DOCK3: variants seen among roughly 807,000 people sequenced by gnomAD.
DOCK3 encodes the protein dedicator of cytokinesis protein 3.
A neutral mutation model predicts 265.6 loss-of-function variants in DOCK3; 60 were observed. The observed-to-expected ratio is 0.23, with a 90% CI of 0.18 to 0.28. The LOEUF is 0.28. Ranked by LOEUF, DOCK3 falls within the 10% of genes least tolerant of loss-of-function variation. The pLI is 1.00. For missense variants in DOCK3, 1,981 were observed against 2,594.3 expected, an observed-to-expected ratio of 0.76 and a Z score of 5.14; for synonymous variants, 881 against 938.0, an observed-to-expected ratio of 0.94 and a Z score of 1.11.
chr3:50,832,250 A>G (rs1002471736), intron 2 of DOCK3, among the ~76,000 whole-genome samples: 12 of 152,250 alleles, frequency 7.9e-5, no homozygotes, highest in African/African-American at 2.4e-4. Flanking sequence ...AACTAAAACC[A>G]TAAAAATCCT....
At chr3:50,983,678 C>T (rs2077786003) in intron 5 of DOCK3, among the ~76,000 whole-genome samples, 1 of 152,162 alleles carries the variant, frequency 6.6e-6, no homozygotes, top group Non-Finnish European at 1.5e-5. Context: ...ATAAAGATTC[C>T]CTTTGTCTTG....
At chr3:51,154,409 T>C (rs1265950695) in intron 10 of DOCK3, among the ~76,000 whole-genome samples, 1 of 152,208 alleles carries the variant, frequency 6.6e-6, no homozygotes, top group Non-Finnish European at 1.5e-5. Context: ...CAGCACTCTG[T>C]CTTCAATTGG....
At chr3:50,985,514 C>T (rs1007544623) in intron 5 of DOCK3, among the ~76,000 whole-genome samples, 3 of 152,122 alleles carry the variant, frequency 2.0e-5, no homozygotes, top group Non-Finnish European at 4.4e-5. Context: ...TGTAGAGACA[C>T]TTTGTTCTGG....
chr3:50,909,641 G>GTTTTTTTTTTTTTTT (rs71633043), intron 4 of DOCK3, among the ~76,000 whole-genome samples: 1 of 98,722 alleles, frequency 1.0e-5, no homozygotes, highest in African/African-American at 4.0e-5. Context: ...TACCCTTAAC[G>GTTTTTTTTTTTTTTT]TTTTTTTTTT....
chr3:50,964,597 A>G (rs2076976351), intron 5 of DOCK3, among the ~76,000 whole-genome samples: 1 of 152,140 alleles, frequency 6.6e-6, no homozygotes, highest in Non-Finnish European at 1.5e-5. Context: ...GATAAAATAA[A>G]CCAAAATAAT....
At chr3:51,349,495 C>T (rs1332651309) in intron 39 of DOCK3, among the ~76,000 whole-genome samples, 1 of 152,200 alleles carries the variant, frequency 6.6e-6, no homozygotes, top group Non-Finnish European at 1.5e-5. Context: ...ACCCTTTCTG[C>T]ACCCTCATCT....
chr3:51,289,091 C>G (rs2081587548), intron 27 of DOCK3, among the ~76,000 whole-genome samples: 1 of 152,026 alleles, frequency 6.6e-6, no homozygotes, highest in East Asian at 1.9e-4. Flanking sequence ...AACGTATATA[C>G]CATGGAATTC....
chr3:51,061,102 A>G (rs1197749805), intron 5 of DOCK3, among the ~76,000 whole-genome samples: 3 of 152,192 alleles, frequency 2.0e-5, no homozygotes, highest in African/African-American at 7.2e-5. Context: ...GAACACTTTT[A>G]CACTGTTGGT....
intron 3 of DOCK3, among the ~76,000 whole-genome samples, chr3:50,852,672 A>G (rs1320685728): frequency 2.0e-5 from 3 of 152,092 alleles, no homozygotes; most frequent in Non-Finnish European, 4.4e-5. Flanking sequence ...GATCAAGTCT[A>G]ACTAGGTTTT....
chr3:51,316,583 G>A (rs1431040522), intron 32 of DOCK3, among the ~76,000 whole-genome samples: 4 of 152,200 alleles, frequency 2.6e-5, no homozygotes, highest in Non-Finnish European at 5.9e-5. Context: ...AGTCTCAGCA[G>A]CAGTATATAA....
rs149359904 is a variant in DOCK3 at position 51,307,217 on chromosome 3, G to T, written c.2923-3015G>T. ...TCACTACAACCTTGCCTGGACTCAA[G>T]AAATCCTCCCACTTCAACCTGCTGA... On this transcript the variant is annotated intron_variant, in intron 27 of 52. Transcript: ENST00000266037. Among the ~76,000 whole-genome samples the T allele has an allele frequency of 6.2e-4, 95 of 152,178 alleles. No homozygotes were observed. The East Asian group carries it at 0.017, about 28-fold the overall frequency.
intron 22 of DOCK3, among the ~76,000 whole-genome samples, chr3:51,248,706 A>T (rs1364869644): frequency 6.6e-6 from 1 of 150,996 alleles, no homozygotes; most frequent in East Asian, 2.0e-4. Flanking sequence ...CTGGAAAGTG[A>T]GGAGCGTCTC....
rs1432509842 is a variant in DOCK3 at position 51,362,635 on chromosome 3, C to T, written c.5254C>T (p.Pro1752Ser). The T allele has an allele frequency of 6.2e-7, 1 of 1,613,938 alleles. No homozygotes were observed. The highest frequency in any genetic ancestry group is 1.1e-5 in the South Asian group (1 of 91,056). Residue 1752 changes from proline (P) to serine (S), a missense_variant, in exon 49 of 53, where the codon CCA (proline) becomes TCA (serine). Physicochemically the swap from Pro to Ser is moderately conservative, Grantham distance 74. Transcript: ENST00000266037. ...CAGCCTGAGTTCCACTCACTCAGCA[C>T]CATCCCAGATGATTACCTCTGCCCC... ...SSSLSSTHSA[P>S]SQMITSAPSS...
intron 27 of DOCK3, among the ~76,000 whole-genome samples, chr3:51,297,111 C>A: frequency 1.4e-5 from 1 of 73,514 alleles, no homozygotes; most frequent in East Asian, 3.5e-4. Flanking sequence ...GAGTGAGACT[C>A]TGTCTCAAAA....
intron 14 of DOCK3, among the ~76,000 whole-genome samples, chr3:51,217,035 A>G (rs765073100): frequency 6.6e-5 from 10 of 152,242 alleles, no homozygotes; most frequent in Non-Finnish European, 4.4e-5. Flanking sequence ...AACTGTGACC[A>G]TGATAGCATG....
At chr3:50,942,879 GCTGTA>G (rs2076332084) in intron 5 of DOCK3, among the ~76,000 whole-genome samples, 1 of 151,908 alleles carries the variant, frequency 6.6e-6, no homozygotes, top group Non-Finnish European at 1.5e-5. Flanking sequence ...AGTGAGATGT[GCTGTA>G]AGTATAAAAT....
chr3:50,869,626 C>A (rs2047340557), intron 3 of DOCK3, among the ~76,000 whole-genome samples: 1 of 151,692 alleles, frequency 6.6e-6, no homozygotes, highest in South Asian at 2.1e-4. Flanking sequence ...CCTGTTTTGG[C>A]CTCCGAAAGT....
chr3:51,044,160 A>C (rs1484694098), intron 5 of DOCK3, among the ~76,000 whole-genome samples: 2 of 152,214 alleles, frequency 1.3e-5, no homozygotes, highest in African/African-American at 4.8e-5. Flanking sequence ...CACAATAGCA[A>C]AGACATGGGA....
At chr3:51,260,058 G>A (rs894609069) in intron 22 of DOCK3, 98 bp from the exon 23 acceptor site, 2 of 1,231,906 alleles carry the variant, frequency 1.6e-6, no homozygotes, top group African/African-American at 1.5e-5. Flanking sequence ...CCTGATTTTG[G>A]TATAGAAACT....
Sources: allele counts gnomAD v4.1 joint callset (sites outside exome capture counted in the v4.1 genomes callset), GRCh38; gene constraint gnomAD v4.1.1; transcripts MANE v1.5; gene names NCBI Gene and HGNC (gene_info 2026-07-23, HGNC 2026-07-21).